The following SLC5A4 variants were observed in gnomAD, a reference collection of about 807,000 sequenced individuals.
SLC5A4 encodes the protein probable glucose sensor protein SLC5A4.
In SLC5A4, 55 loss-of-function variants were observed where a neutral mutation model predicts 70.3. The ratio of observed to expected loss-of-function variants is 0.78; its 90% CI spans 0.63 to 0.98. The LOEUF (loss-of-function observed/expected upper bound fraction) is 0.98. Ranked by LOEUF, SLC5A4 falls within the 50% of genes least tolerant of loss-of-function variation. The pLI is 0.00. For synonymous variants in SLC5A4, 268 were observed against 305.7 expected (o/e 0.88, Z 1.29); for missense variants, 735 against 839.2 (o/e 0.88, Z 1.53).
the SLC5A4 span, among the ~76,000 whole-genome samples, chr22:32,263,630 A>G: frequency 1.7e-4 from 26 of 152,358 alleles, no homozygotes; most frequent in East Asian, 3.9e-4. Context: ...TCATTGTGGA[A>G]GACAGTGTGG....
the SLC5A4 span, among the ~76,000 whole-genome samples, chr22:32,317,424 G>C: frequency 6.6e-6 from 1 of 152,134 alleles, no homozygotes; most frequent in Non-Finnish European, 1.5e-5. Context: ...CAGAAGAAAG[G>C]AACTCATAAA....
chr22:32,219,358 A>G (rs1164181927), intron 14 of SLC5A4, among the ~76,000 whole-genome samples: 1 of 152,208 alleles, frequency 6.6e-6, no homozygotes, highest in African/African-American at 2.4e-5. Context: ...GCAAAAATAC[A>G]GAAAGACTCA....
At chr22:32,335,154 G>A in the SLC5A4 span, among the ~76,000 whole-genome samples, 2 of 152,142 alleles carry the variant, frequency 1.3e-5, no homozygotes, top group Non-Finnish European at 2.9e-5. Context: ...CAAGGACACT[G>A]GGAGCCCTGG....
chr22:32,265,379 C>A, the SLC5A4 span, among the ~76,000 whole-genome samples: 5 of 151,872 alleles, frequency 3.3e-5, no homozygotes, highest in Non-Finnish European at 5.9e-5. Context: ...CAGAGCAAGA[C>A]CCTGTCTCAA....
chr22:32,313,694 T>C, the SLC5A4 span, among the ~76,000 whole-genome samples: 1 of 152,200 alleles, frequency 6.6e-6, no homozygotes, highest in Admixed American at 6.5e-5. Context: ...CTGTGTCTAT[T>C]ACAAGAGCAA....
the SLC5A4 span, among the ~76,000 whole-genome samples, chr22:32,275,359 T>G: frequency 6.6e-6 from 1 of 152,208 alleles, no homozygotes; most frequent in Admixed American, 6.5e-5. Flanking sequence ...TATCTCCTAA[T>G]GCTATCCCTC....
At chr22:32,334,531 T>G in the SLC5A4 span, among the ~76,000 whole-genome samples, 2 of 152,200 alleles carry the variant, frequency 1.3e-5, no homozygotes, top group Non-Finnish European at 2.9e-5. Flanking sequence ...TTCCTGCTGG[T>G]TGGCTGCTGT....
At chr22:32,321,536 G>A in the SLC5A4 span, among the ~76,000 whole-genome samples, 7 of 152,156 alleles carry the variant, frequency 4.6e-5, no homozygotes, top group Non-Finnish European at 1.0e-4. Flanking sequence ...TGTCATGGGG[G>A]TTTGTTGTAC....
chr22:32,233,690 G>A (rs757225893), intron 8 of SLC5A4, among the ~76,000 whole-genome samples: 6 of 151,986 alleles, frequency 3.9e-5, no homozygotes, highest in South Asian at 2.1e-4. Flanking sequence ...GGCCAGGTGC[G>A]GTGGCTCACA....
At chr22:32,310,682 TG>T in the SLC5A4 span, among the ~76,000 whole-genome samples, 1 of 152,250 alleles carries the variant, frequency 6.6e-6, no homozygotes, top group Non-Finnish European at 1.5e-5. Context: ...GCCAGGGGCC[TG>T]GGTCTTCCAC....
chr22:32,314,708 G>C, the SLC5A4 span, among the ~76,000 whole-genome samples: 1 of 152,130 alleles, frequency 6.6e-6, no homozygotes, highest in East Asian at 1.9e-4. Flanking sequence ...ATTTACAAAA[G>C]AAAGAGGCTT....
chr22:32,236,797 C>T (rs998070280), intron 7 of SLC5A4, among the ~76,000 whole-genome samples: 4 of 151,566 alleles, frequency 2.6e-5, no homozygotes, highest in African/African-American at 4.9e-5. Context: ...CTCCGATTTC[C>T]GGGTTCACAC....
chr22:32,276,974 G>T, the SLC5A4 span: 1 of 151,644 alleles, frequency 6.6e-6, no homozygotes, highest in African/African-American at 2.4e-5. Context: ...AATTTGTTTT[G>T]GCATCTCTTA....
intron 5 of SLC5A4, among the ~76,000 whole-genome samples, chr22:32,239,821 G>A (rs1926405974): frequency 6.7e-6 from 1 of 148,578 alleles, no homozygotes. Context: ...TCAGGAGATT[G>A]AGACCATCCT....
At chr22:32,321,457 C>G in the SLC5A4 span, among the ~76,000 whole-genome samples, 2 of 152,138 alleles carry the variant, frequency 1.3e-5, no homozygotes, top group Non-Finnish European at 2.9e-5. Context: ...GTCTCAAAAA[C>G]GAACACAAAT....
chr22:32,339,031 A>G, the SLC5A4 span, among the ~76,000 whole-genome samples: 1 of 152,148 alleles, frequency 6.6e-6, no homozygotes, highest in South Asian at 2.1e-4. Flanking sequence ...AATCCCACAC[A>G]TGGAATCCGG....
chr22:32,237,320 GC>G lies in SLC5A4; in HGVS notation c.587del (p.Gly196AlafsTer5). 1 of 1,591,950 alleles carries G rather than the reference GC, an allele frequency of 6.3e-7. No homozygotes were observed. The highest frequency in any genetic ancestry group is 8.5e-7 in the Non-Finnish European group (1 of 1,170,168). ...AMTAVYTTTG[G>X]LASVIYTDTL... ...TGTCTGTGTAAATCACCGAGGCCAA[GC>G]CCCCTAGTGAGAGAAAGAAAAGAAC... On this transcript the variant is annotated frameshift_variant, in exon 7 of 15. Coordinates refer to ENST00000266086, the MANE Select transcript of SLC5A4 (RefSeq NM_014227.3). LOFTEE classifies it high-confidence loss of function.
the SLC5A4 span, among the ~76,000 whole-genome samples, chr22:32,329,767 G>GA: frequency 2.5e-5 from 2 of 80,144 alleles, no homozygotes; most frequent in Non-Finnish European, 4.5e-5. Flanking sequence ...TGTGTGTTGG[G>GA]GGCTCTGGTG....
intron 7 of SLC5A4, among the ~76,000 whole-genome samples, chr22:32,235,593 G>T (rs182363155): frequency 6.6e-6 from 1 of 152,140 alleles, no homozygotes; most frequent in Admixed American, 6.5e-5. Context: ...TATTTTGCCT[G>T]TTACAATAAA....
Sources: gnomAD v4.1 joint callset for allele counts (sites outside exome capture counted in the v4.1 genomes callset) on GRCh38, gnomAD v4.1.1 for gene constraint, MANE v1.5 for transcripts, NCBI Gene and HGNC (gene_info 2026-07-23, HGNC 2026-07-21) for gene names.